TMEM39B: variants seen among roughly 807,000 people sequenced by gnomAD.
TMEM39B encodes transmembrane protein 39B.
TMEM39B carries 23 observed loss-of-function variants against 52.2 expected under a neutral mutation model. The observed-to-expected ratio is 0.44, with a 90% CI of 0.32 to 0.62. TMEM39B has a LOEUF of 0.62. Ranked by LOEUF, TMEM39B falls within the 20% of genes least tolerant of loss-of-function variation. The pLI is 0.06. For missense variants in TMEM39B, 547 were observed against 642.0 expected, an observed-to-expected ratio of 0.85 and a Z score of 1.60; for synonymous variants, 285 against 264.0, an observed-to-expected ratio of 1.08 and a Z score of -0.77.
intron 5 of TMEM39B, among the ~76,000 whole-genome samples, chr1:32,083,423 T>C (rs913582654): frequency 2.3e-5 from 3 of 131,810 alleles, no homozygotes; most frequent in Non-Finnish European, 4.8e-5. Flanking sequence ...TTTTTTTTTT[T>C]TTTTTTTTTT....
chr1:32,085,031 A>C (rs576113414), intron 5 of TMEM39B, among the ~76,000 whole-genome samples: 1 of 152,114 alleles, frequency 6.6e-6, no homozygotes, highest in African/African-American at 2.4e-5. Flanking sequence ...AGCATTGAGG[A>C]ATATTCTGTT....
intron 3 of TMEM39B, chr1:32,076,551 C>G: frequency 1.5e-6 from 1 of 688,806 alleles, no homozygotes; most frequent in Non-Finnish European, 2.6e-6. Context: ...ACATACCACT[C>G]TCTTATCCCC....
At chr1:32,073,570 A>G (rs1051027087) in intron 1 of TMEM39B, 2 of 990,172 alleles carry the variant, frequency 2.0e-6, no homozygotes, top group South Asian at 8.9e-5. Context: ...GAGGGGCTTT[A>G]TGTGGGTGCA....
At chr1:32,087,280 T>C (rs368214172) in intron 5 of TMEM39B, among the ~76,000 whole-genome samples, 14 of 137,318 alleles carry the variant, frequency 1.0e-4, no homozygotes, top group East Asian at 4.3e-4. Context: ...AATGCACGAC[T>C]GTACTCCAGT....
chr1:32,077,363 C>T, intron 5 of TMEM39B, 45 bp downstream of exon 5: 3 of 1,610,682 alleles, frequency 1.9e-6, no homozygotes, highest in South Asian at 1.1e-5. Context: ...CACCTGGCCC[C>T]TGACCTCTGC....
chr1:32,077,952 A>G (rs1569863521), intron 5 of TMEM39B, among the ~76,000 whole-genome samples: 1 of 152,050 alleles, frequency 6.6e-6, no homozygotes, highest in Non-Finnish European at 1.5e-5. Flanking sequence ...ATCAGGGAGA[A>G]CTTTGGTGAG....
At chr1:32,091,008 G>A (rs775074315) in intron 5 of TMEM39B, among the ~76,000 whole-genome samples, 8 of 152,032 alleles carry the variant, frequency 5.3e-5, no homozygotes, top group Non-Finnish European at 7.4e-5. Flanking sequence ...GGCTGGTCTT[G>A]AACTCCTGGG....
At position 32,100,556 on chromosome 1, in the gene TMEM39B, C is replaced by T; in HGVS notation, c.1230C>T (p.Arg410=). 2 of 1,614,132 alleles carry T rather than the reference C, an allele frequency of 1.2e-6. No individual in the cohort carries two copies. The highest frequency in any genetic ancestry group is 4.5e-5 in the East Asian group (2 of 44,888). ...VAIPSDVSHF[R]FHFFFSKPLR... ...TCCCCTCTGACGTCTCCCACTTCCGCTTCCATGTGAGTCTCCTCCCCGGGG... is the reference window on the plus strand; with the variant it reads ...TCCCCTCTGACGTCTCCCACTTCCGTTTCCATGTGAGTCTCCTCCCCGGGG... Residue 410 remains arginine, a synonymous_variant, in exon 8 of 9, where the codon CGC becomes CGT. Coordinates refer to ENST00000336294, the MANE Select transcript of TMEM39B (RefSeq NM_018056.4).
At chr1:32,083,197 C>T (rs997047401) in intron 5 of TMEM39B, among the ~76,000 whole-genome samples, 1 of 149,092 alleles carries the variant, frequency 6.7e-6, no homozygotes, top group African/African-American at 2.5e-5. Context: ...TGATTCTCCT[C>T]CCTCAGCTCC....
At chr1:32,091,068 A>G (rs931798536) in intron 5 of TMEM39B, among the ~76,000 whole-genome samples, 1 of 152,176 alleles carries the variant, frequency 6.6e-6, no homozygotes, top group Non-Finnish European at 1.5e-5. Flanking sequence ...GATTACAGAC[A>G]TGAGCTACCG....
At chr1:32,088,416 C>CA (rs968076354) in intron 5 of TMEM39B, among the ~76,000 whole-genome samples, 3 of 151,584 alleles carry the variant, frequency 2.0e-5, no homozygotes, top group African/African-American at 4.8e-5. Flanking sequence ...GACTCCGTCT[C>CA]AAAAAAAATA....
intron 7 of TMEM39B, among the ~76,000 whole-genome samples, chr1:32,100,137 G>T (rs1640963424): frequency 6.6e-6 from 1 of 152,140 alleles, no homozygotes; most frequent in African/African-American, 2.4e-5. Flanking sequence ...CTGTGTGGTG[G>T]ACCACTTGGA....
intron 5 of TMEM39B, among the ~76,000 whole-genome samples, chr1:32,080,790 C>T (rs993710299): frequency 6.6e-6 from 1 of 150,876 alleles, no homozygotes; most frequent in Non-Finnish European, 1.5e-5. Context: ...CTTTATTTTT[C>T]ATTATTTAAT....
intron 3 of TMEM39B, chr1:32,076,509 CAG>C (rs1639867902): frequency 3.1e-6 from 2 of 637,156 alleles, no homozygotes; most frequent in Admixed American, 2.1e-5. Context: ...AGTATAGGGA[CAG>C]GGGCATGTGT....
chr1:32,076,604 T>C (rs772045528), intron 3 of TMEM39B, 159 bp from the exon 4 acceptor site: 34 of 748,970 alleles, frequency 4.5e-5, no homozygotes, highest in South Asian at 2.4e-4. Context: ...GTCCTACTCC[T>C]GTAGGTAATT....
At chr1:32,078,961 G>A (rs1394368270) in intron 5 of TMEM39B, among the ~76,000 whole-genome samples, 1 of 151,874 alleles carries the variant, frequency 6.6e-6, no homozygotes, top group Non-Finnish European at 1.5e-5. Context: ...TTTTAAAAAA[G>A]AAAAATGGTA....
intron 5 of TMEM39B, among the ~76,000 whole-genome samples, chr1:32,084,392 C>T (rs1185096452): frequency 6.6e-6 from 1 of 152,076 alleles, no homozygotes; most frequent in South Asian, 2.1e-4. Context: ...GGGTTGGACC[C>T]CCTGCTTCCT....
At chr1:32,078,260 G>C (rs1469287574) in intron 5 of TMEM39B, among the ~76,000 whole-genome samples, 1 of 152,146 alleles carries the variant, frequency 6.6e-6, no homozygotes, top group African/African-American at 2.4e-5. Context: ...AAGACAGGCA[G>C]ATTGCTTGAG....
chr1:32,091,682 A>G lies in TMEM39B; in HGVS notation c.598A>G (p.Met200Val), dbSNP rs1357666110. The change falls in exon 6 of 9, where the codon ATG becomes GTG. Residue 200 changes from methionine to valine, a missense_variant. By Grantham distance (21) the Met-to-Val change is conservative. Transcript: ENST00000336294. Reference protein sequence around the residue: ...NLLFLCYPFGMYIPFLQLNCD... With the variant: ...NLLFLCYPFGVYIPFLQLNCD... ...CACCGTCTTCCCCAGCAGGTTTGGG[A>G]TGTACATTCCGTTCCTGCAGCTGAA... The G allele has an allele frequency of 1.3e-6, 2 of 1,598,604 alleles. No homozygotes were observed. Among genetic ancestry groups the G allele is most frequent in the Non-Finnish European group, 8.5e-7 (1 of 1,170,676 alleles).
Sources: allele counts gnomAD v4.1 joint callset (sites outside exome capture counted in the v4.1 genomes callset), GRCh38; gene constraint gnomAD v4.1.1; transcripts MANE v1.5; gene names NCBI Gene and HGNC (gene_info 2026-07-23, HGNC 2026-07-21).